ADAM9: variants seen among roughly 807,000 people sequenced by gnomAD.
The protein encoded by ADAM9 is disintegrin and metalloproteinase domain-containing protein 9.
A neutral mutation model predicts 108.1 loss-of-function variants in ADAM9; 54 were observed. That is an observed-to-expected ratio of 0.50 (90% CI 0.40 to 0.63). The LOEUF (loss-of-function observed/expected upper bound fraction) is 0.63, where lower values mean the gene tolerates loss of function less well. Among genes scored for constraint, ADAM9 ranks in the 20% least tolerant of loss-of-function variants. The pLI is 0.00. For synonymous variants in ADAM9, 316 were observed against 336.0 expected (o/e 0.94, Z 0.65); for missense variants, 830 against 997.7 (o/e 0.83, Z 2.26).
rs760130727 is a variant in ADAM9 at position 39,007,969 on chromosome 8, C to G, written c.181C>G (p.Pro61Ala). ...TAGAGAAAGAAGAGAAGCCCCTAGGCCCTATTCAAAACAAGTAAGTTATAA... is the reference window on the plus strand; with the variant it reads ...TAGAGAAAGAAGAGAAGCCCCTAGGGCCTATTCAAAACAAGTAAGTTATAA... ...LTRERREAPR[P>A]YSKQVSYVIQ... The change falls in exon 2 of 22, where the codon CCC (proline) becomes GCC (alanine). Residue 61 changes from proline (P) to alanine (A), a missense_variant. By Grantham distance (27) the Pro-to-Ala change is conservative. Around this residue, in one of 3 missense-constraint regions of ADAM9, gnomAD observed 211 missense variants for 222.2 expected, o/e 0.95. Coordinates refer to ENST00000487273, the MANE Select transcript of ADAM9 (RefSeq NM_003816.3). 40 of 1,603,116 alleles carry G rather than the reference C, an allele frequency of 2.5e-5. No individual in the cohort carries two copies. The highest frequency in any genetic ancestry group is 3.3e-5 in the Non-Finnish European group (39 of 1,171,312).
chr8:39,060,051 G>A (rs1838250019), intron 14 of ADAM9, among the ~76,000 whole-genome samples: 1 of 152,226 alleles, frequency 6.6e-6, no homozygotes, highest in African/African-American at 2.4e-5. Context: ...AGCTTGGTGA[G>A]TCAGATGACA....
chr8:39,044,942 C>CACACATACA (rs1564295574), intron 12 of ADAM9, among the ~76,000 whole-genome samples: 23 of 109,720 alleles, frequency 2.1e-4, no homozygotes, highest in South Asian at 2.9e-4. Flanking sequence ...GCACACATAC[C>CACACATACA]TATGTATGTG....
At chr8:39,003,937 G>A (rs963407759) in intron 1 of ADAM9, among the ~76,000 whole-genome samples, 13 of 152,092 alleles carry the variant, frequency 8.5e-5, no homozygotes, top group African/African-American at 1.7e-4. Context: ...TGGCAGTCTC[G>A]GTAAAAGATT....
intron 7 of ADAM9, among the ~76,000 whole-genome samples, chr8:39,020,368 C>G (rs1473939337): frequency 6.6e-6 from 1 of 152,188 alleles, no homozygotes; most frequent in South Asian, 2.1e-4. Context: ...TTCAATCAAG[C>G]CCTATCAAAT....
At chr8:39,029,032 A>G (rs1418029872) in intron 11 of ADAM9, among the ~76,000 whole-genome samples, 1 of 152,176 alleles carries the variant, frequency 6.6e-6, no homozygotes, top group Non-Finnish European at 1.5e-5. Context: ...ATTATATTTA[A>G]AACAGTGCAT....
chr8:39,035,827 A>G (rs1189135823), intron 11 of ADAM9, among the ~76,000 whole-genome samples: 1 of 152,088 alleles, frequency 6.6e-6, no homozygotes, highest in East Asian at 1.9e-4. Flanking sequence ...AAAACAAAAC[A>G]AAACAAAACA....
Position 39,007,936 on chromosome 8 carries a change from A to G in ADAM9, c.148A>G (p.Arg50Gly). The stretch of plus-strand genomic sequence containing the variant: ...TTCTTATGAAATTATAACTCCTTGG[A>G]GATTAACTAGAGAAAGAAGAGAAGC... ...LSSYEIITPW[R>G]LTRERREAPR... Residue 50 changes from arginine to glycine, a missense_variant, in exon 2 of 22, where the codon AGA becomes GGA. By Grantham distance (125) the Arg-to-Gly change is moderately radical. Transcript: ENST00000487273. The G allele has an allele frequency of 1.2e-6, 2 of 1,612,328 alleles. No individual in the cohort carries two copies. The highest frequency in any genetic ancestry group is 1.1e-5 in the South Asian group (1 of 91,044).
Position 39,026,884 on chromosome 8 carries a change from A to C in ADAM9, c.1130+74A>C, listed in dbSNP as rs977809060. 1.9e-6 allele frequency: 3 copies of C among 1,573,882 alleles called. No individual in the cohort carries two copies. In the African/African-American group the frequency reaches 4.1e-5, roughly 21 times the overall value. On this transcript the variant is annotated intron_variant, in intron 11 of 21. Transcript: ENST00000487273. ...GTTTCTTACACTGTGAGGGATATTCATGTCTACATTGGGAAAACAGGAAAT... is the reference window on the plus strand; with the variant it reads ...GTTTCTTACACTGTGAGGGATATTCCTGTCTACATTGGGAAAACAGGAAAT...
In ADAM9 at chr8:38,997,123, T is replaced by TG; in HGVS notation, c.62dup (p.Leu22ProfsTer23). ...TTCGTGTCCGGTGGTTGCTGTTGCT[T>TG]GGCCTGGTGGGCCCAGTCCTCGGTG... is the stretch of plus-strand genomic sequence containing the variant. On this transcript the variant is annotated frameshift_variant, in exon 1 of 22. Transcript: ENST00000487273. LOFTEE classifies it high-confidence loss of function. The TG allele has an allele frequency of 6.2e-7, 1 of 1,604,334 alleles. No homozygotes were observed. The highest frequency in any genetic ancestry group is 8.5e-7 in the Non-Finnish European group (1 of 1,179,482).
intron 13 of ADAM9, 25 bp downstream of exon 13, chr8:39,054,598 ACAGG>A: frequency 7.0e-7 from 1 of 1,418,588 alleles, no homozygotes. Flanking sequence ...CCTTTTGGAA[ACAGG>A]AAAAAAAAAA....
At chr8:39,086,935 C>T (rs1839196819) in intron 18 of ADAM9, among the ~76,000 whole-genome samples, 1 of 152,206 alleles carries the variant, frequency 6.6e-6, no homozygotes, top group South Asian at 2.1e-4. Context: ...AGCAAGTGCT[C>T]TTCCTAGTCC....
Position 39,084,333 on chromosome 8 carries a change from CT to C in ADAM9, c.2068+1273del, listed in dbSNP as rs78636829. 2.2e-3 allele frequency among the ~76,000 whole-genome samples: 302 copies of C among 140,096 alleles called. 1 individual carries two copies. The highest frequency in any genetic ancestry group is 4.6e-3 in the African/African-American group (175 of 38,416). The allele number at this position is 140,096 out of a possible 152,430, so 91.9% of individuals were successfully genotyped here. On this transcript the variant is annotated intron_variant, in intron 18 of 21. Coordinates refer to ENST00000487273, the MANE Select transcript of ADAM9 (RefSeq NM_003816.3). ...TTCTTAAGGTGGAGGATGAGGTCATCTTTTTTTTTTTTTCTGATACAGACAT... is the reference window on the plus strand; with the variant it reads ...TTCTTAAGGTGGAGGATGAGGTCATCTTTTTTTTTTTTCTGATACAGACAT...
At chr8:39,045,412 G>GTCTACACACACCTATATGTA (rs1564301601) in intron 12 of ADAM9, among the ~76,000 whole-genome samples, 1 of 40,134 alleles carries the variant, frequency 2.5e-5, no homozygotes, top group Non-Finnish European at 5.6e-5. Context: ...CTATATGTGC[G>GTCTACACACACCTATATGTA]CGTGTGTACA....
rs532124463 is a variant in ADAM9 at position 39,075,252 on chromosome 8, A to C, written c.1698-1976A>C. Among the ~76,000 whole-genome samples, 40 of 152,334 alleles carry C rather than the reference A, an allele frequency of 2.6e-4. No individual in the cohort carries two copies. In the South Asian group the frequency reaches 8.1e-3, roughly 31 times the overall value. On this transcript the variant is annotated intron_variant, in intron 15 of 21. Coordinates refer to ENST00000487273, the MANE Select transcript of ADAM9 (RefSeq NM_003816.3). ...GAATTCAGGTTAAATATTTTTGGCG[A>C]GAATGTTCATAAGCAATGCATTATA...
Position 39,025,067 on chromosome 8 carries a change from A to C in ADAM9, c.915-736A>C, listed in dbSNP as rs570763378. ...ACAGGTGTGTGGGGTGTGACTGGGGAGGCACACAGGGCCCATCCTGAATTC... is the reference window on the plus strand; with the variant it reads ...ACAGGTGTGTGGGGTGTGACTGGGGCGGCACACAGGGCCCATCCTGAATTC... On this transcript the variant is annotated intron_variant, in intron 9 of 21. Coordinates refer to ENST00000487273, the MANE Select transcript of ADAM9 (RefSeq NM_003816.3). 5.3e-5 allele frequency among the ~76,000 whole-genome samples: 8 copies of C among 151,506 alleles called. No homozygotes were observed. The South Asian group carries it at 1.5e-3, about 28-fold the overall frequency.
chr8:39,095,133 T>C (rs1839462379), intron 20 of ADAM9, among the ~76,000 whole-genome samples: 1 of 152,166 alleles, frequency 6.6e-6, no homozygotes, highest in Non-Finnish European at 1.5e-5. Flanking sequence ...CAAGATATAG[T>C]TGTTTCTTGG....
At chr8:39,058,242 C>T (rs1433969261) in intron 14 of ADAM9, among the ~76,000 whole-genome samples, 1 of 152,156 alleles carries the variant, frequency 6.6e-6, no homozygotes, top group Non-Finnish European at 1.5e-5. Context: ...TGTGAATGCA[C>T]ACACACATAC....
intron 6 of ADAM9, among the ~76,000 whole-genome samples, chr8:39,018,171 A>C (rs955399987): frequency 1.3e-5 from 2 of 152,218 alleles, no homozygotes; most frequent in Non-Finnish European, 2.9e-5. Context: ...ACCTTTCTAC[A>C]TATGAGATTC....
chr8:39,026,402 A>G (rs1013224808), intron 10 of ADAM9, among the ~76,000 whole-genome samples: 2 of 152,146 alleles, frequency 1.3e-5, no homozygotes, highest in African/African-American at 4.8e-5. Context: ...TTAAATTAGA[A>G]CCATTAACTT....
Sources: allele counts gnomAD v4.1 joint callset (sites outside exome capture counted in the v4.1 genomes callset), GRCh38; gene constraint gnomAD v4.1.1; regional missense constraint gnomAD v4.1.1; transcripts MANE v1.5; gene names NCBI Gene and HGNC (gene_info 2026-07-23, HGNC 2026-07-21).